Variants in NAALADL2 observed in about 807,000 individuals in gnomAD.
NAALADL2 encodes the protein N-acetylated alpha-linked acidic dipeptidase like 2, also known as inactive N-acetylated-alpha-linked acidic dipeptidase-like protein 2.
In NAALADL2, 76 loss-of-function variants were observed where a neutral mutation model predicts 87.2. The ratio of observed to expected loss-of-function variants is 0.87; its 90% CI spans 0.72 to 1.05. The LOEUF (loss-of-function observed/expected upper bound fraction) is 1.05, where lower values mean the gene tolerates loss of function less well. Ranked by LOEUF, NAALADL2 falls within the 50% of genes least tolerant of loss-of-function variation. The pLI, the probability that NAALADL2 is intolerant of heterozygous loss-of-function variation, is 0.00. For synonymous variants in NAALADL2, 354 were observed against 331.0 expected (o/e 1.07, Z -0.75); for missense variants, 1,089 against 945.8 (o/e 1.15, Z -1.99).
chr3:175,529,930 A>G (rs1216495634), intron 9 of NAALADL2, among the ~76,000 whole-genome samples: 1 of 152,098 alleles, frequency 6.6e-6, no homozygotes, highest in Non-Finnish European at 1.5e-5. Flanking sequence ...AATATAATCA[A>G]CCTGGCACCA....
At chr3:175,647,917 C>A (rs1367293422) in intron 11 of NAALADL2, among the ~76,000 whole-genome samples, 1 of 152,182 alleles carries the variant, frequency 6.6e-6, no homozygotes, top group East Asian at 1.9e-4. Flanking sequence ...TTAGAGCAAT[C>A]AGAGGCAAAG....
intron 1 of NAALADL2, among the ~76,000 whole-genome samples, chr3:175,027,404 A>G (rs1421575245): frequency 6.6e-6 from 1 of 152,104 alleles, no homozygotes; most frequent in Admixed American, 6.6e-5. Flanking sequence ...GTAAACCATA[A>G]CATTATAGAA....
At chr3:174,728,068 C>G (rs1732371789) in intron 2 of NAALADL2, among the ~76,000 whole-genome samples, 2 of 151,910 alleles carry the variant, frequency 1.3e-5, no homozygotes, top group Admixed American at 6.6e-5. Context: ...TTTTTTAGTA[C>G]TGAATAATAT....
intron 2 of NAALADL2, among the ~76,000 whole-genome samples, chr3:174,650,955 A>G (rs1578427745): frequency 2.0e-5 from 3 of 152,194 alleles, no homozygotes; most frequent in African/African-American, 4.8e-5. Context: ...ATTTGGCCCT[A>G]TTCACTTAGT....
intron 4 of NAALADL2, among the ~76,000 whole-genome samples, chr3:175,258,340 A>C (rs866417816): frequency 6.7e-5 from 10 of 150,074 alleles, no homozygotes; most frequent in African/African-American, 2.5e-4. Context: ...AAAAAAAAAA[A>C]AAAGAAAGAA....
intron 2 of NAALADL2, among the ~76,000 whole-genome samples, chr3:175,135,336 A>T (rs1037517818): frequency 6.6e-6 from 1 of 152,192 alleles, no homozygotes; most frequent in Non-Finnish European, 1.5e-5. Flanking sequence ...AAGATGAATG[A>T]GGGCATATAT....
intron 1 of NAALADL2, among the ~76,000 whole-genome samples, chr3:174,945,482 G>T (rs987364649): frequency 6.6e-6 from 1 of 152,116 alleles, no homozygotes; most frequent in Admixed American, 6.5e-5. Flanking sequence ...ACAGCAAAAT[G>T]AGTTATAGCA....
At chr3:175,648,355 A>C (rs973330233) in intron 11 of NAALADL2, among the ~76,000 whole-genome samples, 4 of 151,818 alleles carry the variant, frequency 2.6e-5, no homozygotes, top group African/African-American at 9.7e-5. Context: ...TTGTATATAA[A>C]ATTTATGGTG....
intron 9 of NAALADL2, among the ~76,000 whole-genome samples, chr3:175,553,651 T>A (rs1714788332): frequency 6.7e-6 from 1 of 148,536 alleles, no homozygotes; most frequent in Non-Finnish European, 1.5e-5. Flanking sequence ...GGAGAAATAT[T>A]AAAAAAAAAA....
chr3:174,506,704 TCAG>T (rs1719228450), intron 1 of NAALADL2, among the ~76,000 whole-genome samples: 1 of 152,218 alleles, frequency 6.6e-6, no homozygotes, highest in South Asian at 2.1e-4. Flanking sequence ...TACTCTTCTA[TCAG>T]CAGTATTTGA....
At chr3:175,432,813 C>T (rs1194764422) in intron 5 of NAALADL2, among the ~76,000 whole-genome samples, 2 of 152,072 alleles carry the variant, frequency 1.3e-5, no homozygotes, top group Non-Finnish European at 2.9e-5. Context: ...CTCAATGGAG[C>T]CGGACTTTGA....
At chr3:175,483,815 G>A (rs1025983982) in intron 9 of NAALADL2, among the ~76,000 whole-genome samples, 9 of 152,074 alleles carry the variant, frequency 5.9e-5, no homozygotes, top group African/African-American at 9.7e-5. Context: ...TTAGTTTGAC[G>A]CAAACGTAAT....
chr3:175,410,157 C>A (rs998540804), intron 5 of NAALADL2, among the ~76,000 whole-genome samples: 11 of 151,950 alleles, frequency 7.2e-5, no homozygotes, highest in African/African-American at 1.7e-4. Context: ...AAAGTAATTA[C>A]CAAAAGCACT....
In NAALADL2 at chr3:175,658,690, T is replaced by C. The variant is rs561827672; in HGVS notation, c.1896+31304T>C. Among the ~76,000 whole-genome samples, 6 of 152,312 alleles carry C rather than the reference T, an allele frequency of 3.9e-5. No individual in the cohort carries two copies. In the East Asian group the frequency reaches 1.2e-3, roughly 29 times the overall value. On this transcript the variant is annotated intron_variant, in intron 11 of 13. Coordinates refer to ENST00000454872, the MANE Select transcript of NAALADL2 (RefSeq NM_207015.3). ...TTCCTCAAATGCAGAAATATATGTA[T>C]ATGTATGTATGGCCACTAGAAAATG...
At chr3:175,641,536 A>G (rs543130463) in intron 11 of NAALADL2, among the ~76,000 whole-genome samples, 6 of 152,312 alleles carry the variant, frequency 3.9e-5, no homozygotes, top group African/African-American at 1.4e-4. Flanking sequence ...AATTTAAAGC[A>G]TAGCATGGGA....
At chr3:174,749,455 T>G (rs1560193196) in intron 3 of NAALADL2, among the ~76,000 whole-genome samples, 1 of 152,092 alleles carries the variant, frequency 6.6e-6, no homozygotes, top group Non-Finnish European at 1.5e-5. Flanking sequence ...AAGAATGGAT[T>G]TTCCATTTCT....
chr3:174,448,805 T>C (rs1666785525), intron 1 of NAALADL2, among the ~76,000 whole-genome samples: 1 of 152,112 alleles, frequency 6.6e-6, no homozygotes, highest in African/African-American at 2.4e-5. Flanking sequence ...CAGGCAATCA[T>C]GATGAGTGAG....
intron 9 of NAALADL2, among the ~76,000 whole-genome samples, chr3:175,474,099 G>A (rs561690050): frequency 6.6e-6 from 1 of 152,138 alleles, no homozygotes; most frequent in South Asian, 2.1e-4. Flanking sequence ...GGCCATTGTG[G>A]CTGGGGTAAG....
At chr3:174,561,636 T>G (rs891316045) in intron 2 of NAALADL2, among the ~76,000 whole-genome samples, 3 of 152,096 alleles carry the variant, frequency 2.0e-5, no homozygotes, top group Non-Finnish European at 4.4e-5. Context: ...CTTAGCAAAG[T>G]TGTTTGCTGC....
Sources: gnomAD v4.1 joint callset for allele counts (sites outside exome capture counted in the v4.1 genomes callset) on GRCh38, gnomAD v4.1.1 for gene constraint, MANE v1.5 for transcripts, NCBI Gene and HGNC (gene_info 2026-07-23, HGNC 2026-07-21) for gene names.